The following STAC2 variants were observed in gnomAD, a reference collection of about 807,000 sequenced individuals.
The protein encoded by STAC2 is SH3 and cysteine-rich domain-containing protein 2.
A neutral mutation model predicts 49.0 loss-of-function variants in STAC2; 36 were observed. The ratio of observed to expected loss-of-function variants is 0.74; its 90% CI spans 0.56 to 0.97. The LOEUF is 0.97. Ranked by LOEUF, STAC2 falls within the 50% of genes least tolerant of loss-of-function variation. The pLI is 0.00. For missense variants in STAC2, 527 were observed against 543.8 expected (o/e 0.97, Z 0.31); for synonymous variants, 239 against 214.7 (o/e 1.11, Z -0.99).
intron 1 of STAC2, among the ~76,000 whole-genome samples, chr17:39,222,105 C>T (rs1022489717): frequency 1.3e-5 from 2 of 152,206 alleles, no homozygotes; most frequent in African/African-American, 2.4e-5. Flanking sequence ...GAAAGGGCTA[C>T]TCCCTCTCAT....
At position 39,225,514 on chromosome 17, in the gene STAC2, A is replaced by G; in HGVS notation, c.-12T>C. 2 of 1,608,156 alleles carry G rather than the reference A, an allele frequency of 1.2e-6. No individual in the cohort carries two copies. Among genetic ancestry groups the G allele is most frequent in the Non-Finnish European group, 8.5e-7 (1 of 1,178,188 alleles). ...CTCATCTCGGTCATGGTTCGGGGAG[A>G]GGGGAGGAGAGGGTGCCGAGATCCG... On this transcript the variant is annotated 5_prime_UTR_variant, in exon 1 of 11. Coordinates refer to ENST00000333461, the MANE Select transcript of STAC2 (RefSeq NM_198993.5). The surrounding 1 kb of genome is among the most constrained non-coding windows in gnomAD (Gnocchi z 8.2).
intron 4 of STAC2, 32 bp from the exon 5 acceptor site, chr17:39,215,262 T>C: frequency 6.2e-7 from 1 of 1,610,606 alleles, no homozygotes; most frequent in Non-Finnish European, 8.5e-7. Context: ...GGCCTGGCTC[T>C]GCCTCAAAGC....
chr17:39,224,708 GTGGTGGGGCGCGGGGCTGCCTGTCTTTC>G (rs1267902193), intron 1 of STAC2, among the ~76,000 whole-genome samples: 5 of 152,202 alleles, frequency 3.3e-5, no homozygotes, highest in Admixed American at 2.6e-4. Context: ...TCCCGCTCCC[GTGGTGGGGCGCGGGGCTGCCTGTCTTTC>G]TGGTCTGGAG....
chr17:39,218,865 C>T (rs976313603), intron 1 of STAC2, among the ~76,000 whole-genome samples: 9 of 152,186 alleles, frequency 5.9e-5, no homozygotes, highest in East Asian at 5.8e-4. Flanking sequence ...GCCTGGGCAA[C>T]GTAGTATCCA....
intron 1 of STAC2, among the ~76,000 whole-genome samples, chr17:39,221,009 G>A (rs546355906): frequency 6.6e-6 from 1 of 151,136 alleles, no homozygotes; most frequent in African/African-American, 2.4e-5. Context: ...TGTTAGGCAG[G>A]ATGGTCTCGA....
At chr17:39,212,961 G>A (rs759719894) in intron 10 of STAC2, 34 bp downstream of exon 10, 19 of 1,607,710 alleles carry the variant, frequency 1.2e-5, no homozygotes, top group African/African-American at 1.1e-4. Context: ...CCCTCCCTCC[G>A]CCATAGGGCC....
Position 39,212,208 on chromosome 17 carries a change from G to A in STAC2, c.*84C>T. 1 of 982,300 alleles carries A rather than the reference G, an allele frequency of 1.0e-6. No homozygotes were observed. Among genetic ancestry groups the A allele is most frequent in the South Asian group, 1.5e-5 (1 of 68,652 alleles). The allele number at this position is 982,300 out of a possible 1,614,324, so 60.8% of individuals were successfully genotyped here. ...GACAGAGGGAGGAAGGGTATGGAGT[G>A]GACAAGGGGGCCTGATCCCCTCCCT... On this transcript the variant is annotated 3_prime_UTR_variant, in exon 11 of 11. Transcript: ENST00000333461.
Position 39,218,103 on chromosome 17 carries a change from A to T in STAC2, c.161T>A (p.Leu54His). Residue 54 changes from leucine (L) to histidine (H), a missense_variant, in exon 2 of 11, where the codon CTT becomes CAT. By Grantham distance (99) the Leu-to-His change is moderately conservative. Coordinates refer to ENST00000333461, the MANE Select transcript of STAC2 (RefSeq NM_198993.5). ...LRSKSLENFF[L>H]RSGSELKCPT... ...GCACTTGAGCTCAGAGCCCGAGCGA[A>T]GGAAGAAGTTCTCCAAGCTCTTACT... The T allele has an allele frequency of 1.2e-6, 2 of 1,613,262 alleles. No homozygotes were observed. The highest frequency in any genetic ancestry group is 1.7e-6 in the Non-Finnish European group (2 of 1,180,010).
At chr17:39,220,386 G>A (rs1057383925) in intron 1 of STAC2, among the ~76,000 whole-genome samples, 23 of 152,140 alleles carry the variant, frequency 1.5e-4, no homozygotes, top group Non-Finnish European at 2.6e-4. Context: ...TGCTGGGGCT[G>A]GGGGCAAAAC....
chr17:39,216,964 C>T (rs995641207), intron 3 of STAC2, 64 bp from the exon 4 acceptor site: 9 of 1,583,298 alleles, frequency 5.7e-6, no homozygotes, highest in African/African-American at 4.0e-5. Context: ...TTGGTCCTTC[C>T]CAAGCCCAGG....
At position 39,213,034 on chromosome 17, in the gene STAC2, C is replaced by T. The variant is rs532990755; in HGVS notation, c.1092G>A (p.Gly364=). The part of the protein sequence containing the change: ...NVWRCCQPFS[G]NKEQGYMSLK... ...GGCTCATGTAACCCTGTTCCTTGTTCCCGGAGAAGGGTTGGCAGCAGCGCC... is the reference window on the plus strand; with the variant it reads ...GGCTCATGTAACCCTGTTCCTTGTTTCCGGAGAAGGGTTGGCAGCAGCGCC... The change falls in exon 10 of 11, where the codon GGG becomes GGA. Residue 364 remains glycine, a synonymous_variant. Coordinates refer to ENST00000333461, the MANE Select transcript of STAC2 (RefSeq NM_198993.5). The T allele has an allele frequency of 5.6e-6, 9 of 1,614,018 alleles. No individual in the cohort carries two copies. The South Asian group carries it at 9.9e-5, about 18-fold the overall frequency.
chr17:39,216,776 G>A (rs1163304644), intron 4 of STAC2, 34 bp downstream of exon 4: 2 of 1,541,604 alleles, frequency 1.3e-6, no homozygotes, highest in South Asian at 1.2e-5. Flanking sequence ...CCACCACAAT[G>A]GGAGCAGGGA....
In STAC2 at chr17:39,215,328, C is replaced by T. The variant is rs1597732334; in HGVS notation, c.587-98G>A. Reference sequence around the variant, plus strand: ...CCAGGCTGAGCTTCCCAGCTGCCCCCTCACCTGTCCCTCCCAGGTCTTCCT... The same window carrying T: ...CCAGGCTGAGCTTCCCAGCTGCCCCTTCACCTGTCCCTCCCAGGTCTTCCT... On this transcript the variant is annotated intron_variant, in intron 4 of 10. Transcript: ENST00000333461. 7 of 1,207,584 alleles carry T rather than the reference C, an allele frequency of 5.8e-6. 1 individual carries two copies. The South Asian group carries it at 6.3e-5, about 11-fold the overall frequency. The allele number at this position is 1,207,584 out of a possible 1,614,324, so 74.8% of individuals were successfully genotyped here.
rs188681773 is a variant in STAC2, at chr17:39,219,213, C to A, written c.91-1040G>T. On this transcript the variant is annotated intron_variant, in intron 1 of 10. Coordinates refer to ENST00000333461, the MANE Select transcript of STAC2 (RefSeq NM_198993.5). ...AACTTGGCCAAACCTGTCCTTCCAA[C>A]CTGTGCCTTTGCAGCCCAGAAACTC... Among the ~76,000 whole-genome samples the A allele has an allele frequency of 1.5e-3, 231 of 152,290 alleles. 1 individual carries two copies. The highest frequency in any genetic ancestry group is 5.2e-3 in the African/African-American group (216 of 41,552).
rs2046360520 is a variant in STAC2, at chr17:39,212,235, G to A, written c.*57C>T. ...ACAAGGGGGCCTGATCCCCTCCCTG[G>A]CCAGAAGCAAGGTCCAGGCATGGGC... On this transcript the variant is annotated 3_prime_UTR_variant, in exon 11 of 11. Transcript: ENST00000333461. 2.2e-6 allele frequency: 3 copies of A among 1,354,150 alleles called. No individual in the cohort carries two copies. The highest frequency in any genetic ancestry group is 2.1e-6 in the Non-Finnish European group (2 of 965,282). 83.9% of individuals were successfully genotyped at this position (1,354,150 alleles called of 1,614,324 possible).
Position 39,215,130 on chromosome 17 carries a change from C to A in STAC2, c.687G>T (p.Pro229=), listed in dbSNP as rs773006445. The A allele has an allele frequency of 7.1e-5, 115 of 1,613,902 alleles. No individual in the cohort carries two copies. The highest frequency in any genetic ancestry group is 9.2e-5 in the Non-Finnish European group (109 of 1,180,012). ...TTGCCCACCATACCAGGCTCCTTGT[C>A]GGGGACTCAGAGGTGCTGCTGAAAC... ...RSSFSSTSES[P]TRSLSERDEL... is the part of the protein sequence containing the mutation. The change falls in exon 5 of 11, where the codon CCG becomes CCT. Residue 229 remains proline (P), a synonymous_variant. Transcript: ENST00000333461.
In STAC2 at chr17:39,225,598, G is replaced by T. The variant is rs35137197; in HGVS notation, c.-96C>A. The T allele has an allele frequency of 8.5e-7, 1 of 1,177,716 alleles. No individual in the cohort carries two copies. Among genetic ancestry groups the T allele is most frequent in the Non-Finnish European group, 1.2e-6 (1 of 813,596 alleles). 73.0% of individuals were successfully genotyped at this position (1,177,716 alleles called of 1,614,324 possible). A position where few individuals can be genotyped will look rare whatever the true frequency, so the allele number is the denominator to read the frequency against. On this transcript the variant is annotated 5_prime_UTR_variant, in exon 1 of 11. Transcript: ENST00000333461. The surrounding 1 kb of genome is among the most constrained non-coding windows in gnomAD (Gnocchi z 8.2). ...CGGGCGTCTCCGGGACTCTGAAGCCGTTCTCCAGAGGCTGCCCCCAGTTAG... is the reference window on the plus strand; with the variant it reads ...CGGGCGTCTCCGGGACTCTGAAGCCTTTCTCCAGAGGCTGCCCCCAGTTAG...
chr17:39,214,680 A>G (rs935146188), intron 7 of STAC2, 111 bp downstream of exon 7: 7 of 1,310,410 alleles, frequency 5.3e-6, no homozygotes, highest in Non-Finnish European at 6.3e-6. Flanking sequence ...TAAGTGAGGA[A>G]GCAGTGAATC....
chr17:39,216,801 G>T lies in STAC2; in HGVS notation c.586+9C>A. 2 of 1,579,038 alleles carry T rather than the reference G, an allele frequency of 1.3e-6. No individual in the cohort carries two copies. The highest frequency in any genetic ancestry group is 8.6e-7 in the Non-Finnish European group (1 of 1,162,624). On this transcript the variant is annotated intron_variant, in intron 4 of 10. Coordinates refer to ENST00000333461, the MANE Select transcript of STAC2 (RefSeq NM_198993.5). The stretch of plus-strand genomic sequence containing the variant: ...GGGAGCAGGGACTGCGGCCAGGGGG[G>T]GCACTCACCAGTGGGTGGGGACTCT...
Sources: gnomAD v4.1 joint callset for allele counts (sites outside exome capture counted in the v4.1 genomes callset) on GRCh38, gnomAD v4.1.1 for gene constraint, Gnocchi (gnomAD v3.1) non-coding constraint, MANE v1.5 for transcripts, NCBI Gene and HGNC (gene_info 2026-07-23, HGNC 2026-07-21) for gene names.